MAP2K6: variants seen among roughly 807,000 people sequenced by gnomAD.
The protein encoded by MAP2K6 is mitogen-activated protein kinase kinase 6, also known as dual specificity mitogen-activated protein kinase kinase 6.
In MAP2K6, 16 loss-of-function variants were observed where a neutral mutation model predicts 53.7. The ratio of observed to expected loss-of-function variants is 0.30; its 90% CI spans 0.20 to 0.45. The LOEUF (loss-of-function observed/expected upper bound fraction) is 0.45, where lower values mean the gene tolerates loss of function less well. MAP2K6 is among the 20% of genes least tolerant of loss of function. The pLI is 1.00. For missense variants in MAP2K6, 204 were observed against 411.9 expected (o/e 0.50, Z 4.37); for synonymous variants, 132 against 143.1 (o/e 0.92, Z 0.55).
At chr17:69,533,613 T>C (rs920185143) in intron 10 of MAP2K6, among the ~76,000 whole-genome samples, 1 of 152,198 alleles carries the variant, frequency 6.6e-6, no homozygotes, top group African/African-American at 2.4e-5. Context: ...GTGGATTTAA[T>C]GTTGTGCTTG....
intron 4 of MAP2K6, among the ~76,000 whole-genome samples, chr17:69,518,195 A>ATAT (rs1246556307): frequency 8.5e-6 from 1 of 117,640 alleles, no homozygotes; most frequent in Non-Finnish European, 1.8e-5. Context: ...ATCTCAAATA[A>ATAT]TATTAATAAT....
At chr17:69,448,750 C>T (rs936803755) in intron 1 of MAP2K6, among the ~76,000 whole-genome samples, 1 of 152,240 alleles carries the variant, frequency 6.6e-6, no homozygotes, top group African/African-American at 2.4e-5. Context: ...TTAACTCATC[C>T]TGGCGCTTTG....
At chr17:69,477,170 C>T (rs150333392) in intron 1 of MAP2K6, 1 of 152,194 alleles carries the variant, frequency 6.6e-6, no homozygotes, top group African/African-American at 2.4e-5. Flanking sequence ...CAATGTGATC[C>T]CAAGGAGTAG....
intron 1 of MAP2K6, among the ~76,000 whole-genome samples, chr17:69,480,167 GC>G (rs1416402355): frequency 1.3e-5 from 2 of 152,194 alleles, no homozygotes; most frequent in African/African-American, 4.8e-5. Flanking sequence ...GGAGAGCCGA[GC>G]ATTCTAAAGA....
chr17:69,416,795 T>C (rs1905917825), intron 1 of MAP2K6, among the ~76,000 whole-genome samples: 1 of 152,156 alleles, frequency 6.6e-6, no homozygotes, highest in Non-Finnish European at 1.5e-5. Flanking sequence ...ATTTATCTAT[T>C]TGGGGGATAG....
At chr17:69,496,780 G>T (rs1180133765) in intron 1 of MAP2K6, among the ~76,000 whole-genome samples, 2 of 151,746 alleles carry the variant, frequency 1.3e-5, no homozygotes, top group Non-Finnish European at 2.9e-5. Flanking sequence ...AGCTCCATTT[G>T]CCTGCTTGAA....
rs1351013980 is a variant in MAP2K6 at position 69,489,018 on chromosome 17, C to T, written c.17-16762C>T. Among the ~76,000 whole-genome samples the T allele has an allele frequency of 4.0e-5, 6 of 151,808 alleles. No individual in the cohort carries two copies. In the East Asian group the frequency reaches 5.8e-4, roughly 15 times the overall value. ...GGTGGATCACCTGAGGTCAGGAGTT[C>T]GAGACCAGCCTGACCAATATGGTGA... On this transcript the variant is annotated intron_variant, in intron 1 of 11. Coordinates refer to ENST00000590474, the MANE Select transcript of MAP2K6 (RefSeq NM_002758.4).
intron 1 of MAP2K6, among the ~76,000 whole-genome samples, chr17:69,488,582 A>G (rs140267247): frequency 1.8e-4 from 28 of 152,330 alleles, no homozygotes; most frequent in African/African-American, 6.3e-4. Flanking sequence ...GTGAAATACT[A>G]TTCAGCTATA....
chr17:69,432,390 T>C lies in MAP2K6; in HGVS notation c.16+17390T>C, dbSNP rs1906491236. On this transcript the variant is annotated intron_variant, in intron 1 of 11. Coordinates refer to ENST00000590474, the MANE Select transcript of MAP2K6 (RefSeq NM_002758.4). ...CAGCACTATTCACAATAGCAAAGAC[T>C]TGGAACCAACCCAAATGCCCATCAA... 2.0e-5 allele frequency among the ~76,000 whole-genome samples: 3 copies of C among 152,146 alleles called. No homozygotes were observed. In the South Asian group the frequency reaches 6.2e-4, roughly 32 times the overall value.
intron 1 of MAP2K6, chr17:69,435,568 A>C (rs899829295): frequency 3.9e-5 from 6 of 152,110 alleles, no homozygotes; most frequent in African/African-American, 1.4e-4. Context: ...AAGAGTTGTA[A>C]ATGGTAGAAT....
At chr17:69,524,440 A>G (rs1910655069) in intron 8 of MAP2K6, among the ~76,000 whole-genome samples, 1 of 150,726 alleles carries the variant, frequency 6.6e-6, no homozygotes, top group African/African-American at 2.4e-5. Context: ...AGGAACGGCC[A>G]CTAGATTCTA....
intron 1 of MAP2K6, among the ~76,000 whole-genome samples, chr17:69,454,083 A>T (rs1236170222): frequency 6.6e-6 from 1 of 152,222 alleles, no homozygotes; most frequent in Non-Finnish European, 1.5e-5. Context: ...TTTTCAGAAA[A>T]ACGTATTTCC....
chr17:69,514,032 C>T (rs1479887585), intron 2 of MAP2K6, among the ~76,000 whole-genome samples: 9 of 151,700 alleles, frequency 5.9e-5, no homozygotes, highest in Non-Finnish European at 4.4e-5. Flanking sequence ...TGCTTGAACC[C>T]GGTAAGGCAG....
intron 10 of MAP2K6, among the ~76,000 whole-genome samples, chr17:69,530,332 T>C (rs1911014614): frequency 6.6e-6 from 1 of 151,932 alleles, no homozygotes; most frequent in Non-Finnish European, 1.5e-5. Flanking sequence ...TAAAATTAAA[T>C]AAATAACAAA....
chr17:69,440,963 T>C (rs1176547664), intron 1 of MAP2K6, among the ~76,000 whole-genome samples: 1 of 152,194 alleles, frequency 6.6e-6, no homozygotes, highest in East Asian at 1.9e-4. Context: ...CATGAATCCA[T>C]AGGGGCACAT....
intron 7 of MAP2K6, 113 bp from the exon 8 acceptor site, chr17:69,523,401 G>A (rs2251160): frequency 0.6 from 829,400 of 1,386,830 alleles, 251,159 homozygotes; most frequent in Middle Eastern, 0.7. Flanking sequence ...GTGTTGGGCA[G>A]CTTGGGGAAA....
In MAP2K6 at chr17:69,548,421, G is replaced by A. The variant is rs1332388978; in HGVS notation, c.*6668G>A. ...TAAAAAGGACAGTCTGCCAGTGACCGAAGCTTTCTCATTTTTTTTTCTTCC... is the reference window on the plus strand; with the variant it reads ...TAAAAAGGACAGTCTGCCAGTGACCAAAGCTTTCTCATTTTTTTTTCTTCC... On this transcript the variant is annotated 3_prime_UTR_variant, in exon 12 of 12. Coordinates refer to ENST00000590474, the MANE Select transcript of MAP2K6 (RefSeq NM_002758.4). 1 of 149,460 alleles carries A rather than the reference G, an allele frequency of 6.7e-6. No individual in the cohort carries two copies. The highest frequency in any genetic ancestry group is 1.5e-5 in the Non-Finnish European group (1 of 66,996). 9.3% of individuals were successfully genotyped at this position (149,460 alleles called of 1,614,324 possible).
intron 2 of MAP2K6, among the ~76,000 whole-genome samples, chr17:69,516,291 A>G (rs1910138125): frequency 6.6e-6 from 1 of 151,954 alleles, no homozygotes; most frequent in Non-Finnish European, 1.5e-5. Flanking sequence ...GGAGTGCACA[A>G]CATATATCCC....
At chr17:69,459,148 ATTCAGG>A (rs2145167979) in intron 1 of MAP2K6, among the ~76,000 whole-genome samples, 1 of 152,250 alleles carries the variant, frequency 6.6e-6, no homozygotes, top group South Asian at 2.1e-4. Context: ...TGTTTTACAA[ATTCAGG>A]TTTACTGTGA....
Sources: allele counts gnomAD v4.1 joint callset (sites outside exome capture counted in the v4.1 genomes callset), GRCh38; gene constraint gnomAD v4.1.1; transcripts MANE v1.5; gene names NCBI Gene and HGNC (gene_info 2026-07-23, HGNC 2026-07-21).